The following ADGRG7 variants were observed in gnomAD, a reference collection of about 807,000 sequenced individuals.
ADGRG7 encodes adhesion G protein-coupled receptor G7.
A neutral mutation model predicts 88.6 loss-of-function variants in ADGRG7; 82 were observed. That is an observed-to-expected ratio of 0.93 (90% CI 0.77 to 1.11). The LOEUF (loss-of-function observed/expected upper bound fraction) is 1.11. Ranked by LOEUF, ADGRG7 falls within the 50% of genes most tolerant of loss-of-function variation. The pLI, the probability that ADGRG7 is intolerant of heterozygous loss-of-function variation, is 0.00. For synonymous variants in ADGRG7, 381 were observed against 345.2 expected, an observed-to-expected ratio of 1.10 and a Z score of -1.15; for missense variants, 945 against 953.4, an observed-to-expected ratio of 0.99 and a Z score of 0.12.
At chr3:100,629,210 T>C (rs1290705508) in intron 1 of ADGRG7, among the ~76,000 whole-genome samples, 1 of 152,164 alleles carries the variant, frequency 6.6e-6, no homozygotes. Flanking sequence ...CTAGGTTACC[T>C]CTGTCATCAA....
chr3:100,676,488 G>T (rs888117684), intron 15 of ADGRG7, among the ~76,000 whole-genome samples: 1 of 151,726 alleles, frequency 6.6e-6, no homozygotes, highest in African/African-American at 2.4e-5. Context: ...TCATTTTTTT[G>T]GATTTTTAAA....
intron 5 of ADGRG7, among the ~76,000 whole-genome samples, chr3:100,636,085 C>T (rs1204498550): frequency 6.6e-6 from 1 of 152,122 alleles, no homozygotes; most frequent in East Asian, 1.9e-4. Flanking sequence ...GACAGAGTCT[C>T]ATTGTGTCAC....
In ADGRG7 at chr3:100,646,648, G is replaced by C; in HGVS notation, c.1190G>C (p.Gly397Ala). The C allele has an allele frequency of 6.2e-7, 1 of 1,614,064 alleles. No homozygotes were observed. The highest frequency in any genetic ancestry group is 8.5e-7 in the Non-Finnish European group (1 of 1,179,946). ...TCAGCGAAGGACTGGGACACATATG[G>C]CTGTCAAAAAGACAAGGGCACTGAT... ...NLSAKDWDTY[G>A]CQKDKGTDGF... The change falls in exon 10 of 16, where the codon GGC becomes GCC. Residue 397 changes from glycine (G) to alanine (A), a missense_variant. Physicochemically the swap from Gly to Ala is moderately conservative, Grantham distance 60 (BLOSUM62 0). Transcript: ENST00000273352.
intron 11 of ADGRG7, among the ~76,000 whole-genome samples, chr3:100,651,423 A>G (rs116040517): frequency 6.6e-6 from 1 of 152,250 alleles, no homozygotes; most frequent in Non-Finnish European, 1.5e-5. Flanking sequence ...TAGTTGCTGC[A>G]TAACTAGTTT....
intron 1 of ADGRG7, among the ~76,000 whole-genome samples, chr3:100,627,074 G>T (rs73143198): frequency 6.6e-6 from 1 of 151,880 alleles, no homozygotes; most frequent in Non-Finnish European, 1.5e-5. Context: ...TTTTTCCTGC[G>T]TATTGCACTG....
chr3:100,640,496 A>G (rs562590585), intron 6 of ADGRG7, among the ~76,000 whole-genome samples: 2 of 152,148 alleles, frequency 1.3e-5, no homozygotes, highest in East Asian at 3.9e-4. Context: ...TAGTACAATC[A>G]ATGAGTTTAG....
At chr3:100,684,779 C>T (rs560728507) in intron 15 of ADGRG7, among the ~76,000 whole-genome samples, 89 of 151,550 alleles carry the variant, frequency 5.9e-4, no homozygotes, top group Non-Finnish European at 1.0e-3. Flanking sequence ...TTAAATTCTA[C>T]TAATTATAAT....
intron 6 of ADGRG7, among the ~76,000 whole-genome samples, chr3:100,640,634 G>A (rs549291155): frequency 1.5e-4 from 23 of 152,152 alleles, no homozygotes; most frequent in African/African-American, 5.3e-4. Flanking sequence ...CAATTCTCCT[G>A]TCTCAGCCTC....
chr3:100,686,337 CT>C (rs2094982595), intron 15 of ADGRG7, among the ~76,000 whole-genome samples: 1 of 152,170 alleles, frequency 6.6e-6, no homozygotes, highest in African/African-American at 2.4e-5. Context: ...CCTGTTCACT[CT>C]GATGGTAGTT....
chr3:100,615,876 T>C (rs1024900653), intron 1 of ADGRG7, among the ~76,000 whole-genome samples: 5 of 152,094 alleles, frequency 3.3e-5, no homozygotes, highest in Non-Finnish European at 7.4e-5. Context: ...GCAAGGGAGC[T>C]GGACCTGAGC....
At chr3:100,633,405 A>T (rs749508649) in intron 4 of ADGRG7, 28 bp downstream of exon 4, 1 of 1,294,208 alleles carries the variant, frequency 7.7e-7, no homozygotes, top group Non-Finnish European at 1.1e-6. Context: ...CTGATGGGCA[A>T]CTGGAAGAAG....
At chr3:100,675,314 A>C (rs1397977087) in intron 15 of ADGRG7, among the ~76,000 whole-genome samples, 1 of 152,050 alleles carries the variant, frequency 6.6e-6, no homozygotes, top group Non-Finnish European at 1.5e-5. Context: ...AGTGATGTTG[A>C]ATTTTATAAA....
Position 100,669,212 on chromosome 3 carries a change from C to T in ADGRG7, c.2136+107C>T, listed in dbSNP as rs553280348. On this transcript the variant is annotated intron_variant, in intron 15 of 15. Coordinates refer to ENST00000273352, the MANE Select transcript of ADGRG7 (RefSeq NM_032787.3). ...CTATTTTAAAAAAATCTAGGCCAGG[C>T]GCGGTGGCTCACGCCTGTAATGCCA... 6.8e-6 allele frequency: 6 copies of T among 885,962 alleles called. No homozygotes were observed. Among genetic ancestry groups the T allele is most frequent in the Admixed American group, 6.5e-5 (2 of 30,938 alleles). 54.9% of individuals were successfully genotyped at this position (885,962 alleles called of 1,614,324 possible).
chr3:100,642,372 C>T (rs1057336265), intron 6 of ADGRG7, among the ~76,000 whole-genome samples: 2 of 152,136 alleles, frequency 1.3e-5, no homozygotes, highest in African/African-American at 2.4e-5. Context: ...TGTTTCCATA[C>T]GAATGATGAT....
chr3:100,646,166 T>C, intron 9 of ADGRG7, 58 bp downstream of exon 9: 4 of 1,206,456 alleles, frequency 3.3e-6, no homozygotes, highest in Non-Finnish European at 4.4e-6. Context: ...TTTCTGATGG[T>C]GGCAGCTGAG....
chr3:100,637,945 G>C (rs575526184), intron 6 of ADGRG7, among the ~76,000 whole-genome samples: 1 of 151,904 alleles, frequency 6.6e-6, no homozygotes, highest in Non-Finnish European at 1.5e-5. Flanking sequence ...GTGTAGATGA[G>C]CAAGTGTGGG....
chr3:100,634,959 G>T (rs1262728230), intron 4 of ADGRG7, among the ~76,000 whole-genome samples: 1 of 151,382 alleles, frequency 6.6e-6, no homozygotes, highest in Non-Finnish European at 1.5e-5. Flanking sequence ...TATAACACTG[G>T]TATAATTTGT....
chr3:100,685,629 G>T (rs868796953), intron 15 of ADGRG7, among the ~76,000 whole-genome samples: 34 of 151,982 alleles, frequency 2.2e-4, no homozygotes, highest in Admixed American at 2.2e-3. Context: ...GCAGTGTTTG[G>T]TTTTTTGTCC....
At chr3:100,678,800 G>T (rs971590065) in intron 15 of ADGRG7, among the ~76,000 whole-genome samples, 6 of 152,204 alleles carry the variant, frequency 3.9e-5, no homozygotes, top group Non-Finnish European at 5.9e-5. Context: ...CAAGCAAACA[G>T]AGTGCCTCTC....
Sources: allele counts gnomAD v4.1 joint callset (sites outside exome capture counted in the v4.1 genomes callset), GRCh38; gene constraint gnomAD v4.1.1; transcripts MANE v1.5; gene names NCBI Gene and HGNC (gene_info 2026-07-23, HGNC 2026-07-21).